NHS: variants seen among roughly 807,000 people sequenced by gnomAD.
NHS encodes actin remodeling regulator NHS.
Under a neutral mutation model 72.5 loss-of-function variants are expected in NHS, and 5 were observed. That is an observed-to-expected ratio of 0.07 (90% CI 0.04 to 0.14). NHS has a LOEUF of 0.14. Ranked by LOEUF, NHS falls within the 10% of genes least tolerant of loss-of-function variation. The pLI is 1.00. For synonymous variants in NHS, 464 were observed against 547.7 expected, an observed-to-expected ratio of 0.85 and a Z score of 2.13; for missense variants, 1,072 against 1,355.7, an observed-to-expected ratio of 0.79 and a Z score of 3.29.
intron 3 of NHS, among the ~76,000 whole-genome samples, chrX:17,697,011 A>G (rs2066235014): frequency 9.0e-6 from 1 of 111,326 alleles, no homozygotes; most frequent in East Asian, 2.8e-4. Flanking sequence ...ACCACCAGAA[A>G]AATTGTCTGC....
At chrX:17,566,613 G>C (rs1025325175) in intron 1 of NHS, among the ~76,000 whole-genome samples, 3 of 111,440 alleles carry the variant, frequency 2.7e-5, no homozygotes, top group African/African-American at 9.8e-5. Context: ...AGAGACCTTG[G>C]AATTCATTGT....
chrX:17,567,318 C>G (rs867996096), intron 1 of NHS, among the ~76,000 whole-genome samples: 2 of 111,564 alleles, frequency 1.8e-5, no homozygotes, highest in Admixed American at 9.5e-5. Context: ...TGCAGTCACT[C>G]TGGTTAGGAG....
intron 1 of NHS, among the ~76,000 whole-genome samples, chrX:17,447,785 G>GCACACACACACA (rs58710651): frequency 5.0e-4 from 45 of 89,666 alleles, no homozygotes; most frequent in African/African-American, 1.7e-3. Flanking sequence ...ACACACACAC[G>GCACACACACACA]CACACACACA....
Position 17,719,337 on chromosome X carries a change from T to G in NHS, c.853-7T>G. The G allele has an allele frequency of 8.6e-7, 1 of 1,166,562 alleles. No individual in the cohort carries two copies. Among genetic ancestry groups the G allele is most frequent in the Non-Finnish European group, 1.1e-6 (1 of 872,162 alleles). On this transcript the variant is annotated splice_polypyrimidine_tract_variant and splice_region_variant and intron_variant, in intron 3 of 8. Transcript: ENST00000676302. ...ATTTTTTCTTTTTTTGCATTTCATGTTCATAGTTTAACAGCACCCGTTCGC... is the reference window on the plus strand; with the variant it reads ...ATTTTTTCTTTTTTTGCATTTCATGGTCATAGTTTAACAGCACCCGTTCGC...
At chrX:17,592,762 G>C (rs1047319524) in intron 1 of NHS, among the ~76,000 whole-genome samples, 4 of 111,843 alleles carry the variant, frequency 3.6e-5, no homozygotes, top group Non-Finnish European at 7.5e-5. Context: ...CTAGGACAAA[G>C]CAAGGACCAG....
At chrX:17,498,916 G>A (rs914456245) in intron 1 of NHS, among the ~76,000 whole-genome samples, 4 of 111,869 alleles carry the variant, frequency 3.6e-5, no homozygotes, top group Non-Finnish European at 5.6e-5. Context: ...TGTTGATGCA[G>A]ATTTAGAAAA....
chrX:17,585,619 C>T (rs2065570732), intron 1 of NHS, among the ~76,000 whole-genome samples: 1 of 110,154 alleles, frequency 9.1e-6, no homozygotes, highest in African/African-American at 3.3e-5. Flanking sequence ...GAGGAGGGGT[C>T]CCCCAGGTAA....
At chrX:17,416,885 G>A (rs2064599080) in intron 1 of NHS, among the ~76,000 whole-genome samples, 1 of 109,919 alleles carries the variant, frequency 9.1e-6, no homozygotes, top group Non-Finnish European at 1.9e-5. Flanking sequence ...GGCAGTTACT[G>A]CGATTGGTGT....
chrX:17,712,759 G>C (rs1157279380), intron 3 of NHS, among the ~76,000 whole-genome samples: 1 of 110,163 alleles, frequency 9.1e-6, no homozygotes, highest in African/African-American at 3.3e-5. Context: ...CTGGCTGAAA[G>C]GTTAGCGTGA....
At chrX:17,487,129 T>G (rs143953787) in intron 1 of NHS, among the ~76,000 whole-genome samples, 1,133 of 112,189 alleles carry the variant, frequency 0.01, 15 homozygotes, top group African/African-American at 0.035. Context: ...CAAAATGCTA[T>G]CACAAATGTC....
chrX:17,437,765 A>G (rs2064730821), intron 1 of NHS, among the ~76,000 whole-genome samples: 1 of 111,933 alleles, frequency 8.9e-6, no homozygotes, highest in Non-Finnish European at 1.9e-5. Flanking sequence ...ACATCACAGG[A>G]CTGTCATGAG....
In NHS at chrX:17,608,927, C is replaced by T. The variant is rs189417910; in HGVS notation, c.566-78815C>T. On this transcript the variant is annotated intron_variant, in intron 1 of 8. Coordinates refer to ENST00000676302, the MANE Select transcript of NHS (RefSeq NM_001291867.2). ...TTGAAACTTGAGCAGTTTTTAAAGA[C>T]GGAATCAGATATAAAATACCCTTCA... 6.4e-3 allele frequency among the ~76,000 whole-genome samples: 715 copies of T among 112,001 alleles called. 2 individuals carry two copies. The highest frequency in any genetic ancestry group is 8.1e-3 in the South Asian group (22 of 2,703).
At chrX:17,429,127 T>C (rs1000350680) in intron 1 of NHS, among the ~76,000 whole-genome samples, 1 of 111,142 alleles carries the variant, frequency 9.0e-6, no homozygotes, top group Non-Finnish European at 1.9e-5. Flanking sequence ...TCCAATGTTA[T>C]CCTTGGAAAT....
chrX:17,692,234 T>A lies in NHS; in HGVS notation c.719-101T>A, dbSNP rs199618665. The A allele has an allele frequency of 9.6e-5, 16 of 165,813 alleles. No individual in the cohort carries two copies. The East Asian group carries it at 4.2e-3, about 43-fold the overall frequency. The allele number at this position is 165,813 out of a possible 1,213,427, so 13.7% of individuals were successfully genotyped here. Reference sequence around the variant, plus strand: ...ATTAGCTAAAGTAATGAAAACTCACTTTTTTTTTTTTTTACAGCCTTTTGC... The same window carrying A: ...ATTAGCTAAAGTAATGAAAACTCACATTTTTTTTTTTTTACAGCCTTTTGC... On this transcript the variant is annotated intron_variant, in intron 2 of 8. Coordinates refer to ENST00000676302, the MANE Select transcript of NHS (RefSeq NM_001291867.2).
intron 1 of NHS, among the ~76,000 whole-genome samples, chrX:17,561,596 A>ACT (rs1367731945): frequency 1.9e-5 from 2 of 102,954 alleles, no homozygotes; most frequent in African/African-American, 7.1e-5. Flanking sequence ...ACACACACAC[A>ACT]CACACACACA....
chrX:17,695,474 G>A (rs141146236), intron 3 of NHS, among the ~76,000 whole-genome samples: 377 of 111,823 alleles, frequency 3.4e-3, no homozygotes, highest in African/African-American at 0.011. Flanking sequence ...ATAAATTTGT[G>A]TATAGTATAA....
chrX:17,716,361 G>A (rs2066364013), intron 3 of NHS, among the ~76,000 whole-genome samples: 1 of 112,294 alleles, frequency 8.9e-6, no homozygotes, highest in Non-Finnish European at 1.9e-5. Context: ...CTGACGGTGT[G>A]ATTTTTTGAA....
At chrX:17,667,297 G>A (rs1369084356) in intron 1 of NHS, among the ~76,000 whole-genome samples, 1 of 112,279 alleles carries the variant, frequency 8.9e-6, no homozygotes, top group Non-Finnish European at 1.9e-5. Flanking sequence ...GGTAGCTCCA[G>A]CCAGAAGCAC....
At chrX:17,391,187 G>A (rs2064443824) in intron 1 of NHS, among the ~76,000 whole-genome samples, 1 of 111,754 alleles carries the variant, frequency 8.9e-6, no homozygotes, top group Non-Finnish European at 1.9e-5. Flanking sequence ...TAAATCTTAG[G>A]TTCAAGGTTT....
Sources: gnomAD v4.1 joint callset for allele counts (sites outside exome capture counted in the v4.1 genomes callset) on GRCh38, gnomAD v4.1.1 for gene constraint, MANE v1.5 for transcripts, NCBI Gene and HGNC (gene_info 2026-07-23, HGNC 2026-07-21) for gene names.